Variants in PDE3A observed in about 807,000 individuals in gnomAD.
The protein encoded by PDE3A is cGMP-inhibited 3',5'-cyclic phosphodiesterase 3A.
In PDE3A, 43 loss-of-function variants were observed where a neutral mutation model predicts 98.3. The ratio of observed to expected loss-of-function variants is 0.44; its 90% CI spans 0.34 to 0.56. The LOEUF is 0.56. Among genes scored for constraint, PDE3A ranks in the 20% least tolerant of loss-of-function variants. The pLI is 0.01. For synonymous variants in PDE3A, 663 were observed against 567.9 expected, an observed-to-expected ratio of 1.17 and a Z score of -2.38; for missense variants, 1,427 against 1,440.7, an observed-to-expected ratio of 0.99 and a Z score of 0.15.
intron 1 of PDE3A, among the ~76,000 whole-genome samples, chr12:20,535,772 AAT>A: frequency 6.6e-6 from 1 of 152,314 alleles, no homozygotes; most frequent in African/African-American, 2.4e-5. Context: ...TGTGATTATT[AAT>A]ATATGTAAAG....
At chr12:20,394,178 C>T (rs1426387209) in intron 1 of PDE3A, among the ~76,000 whole-genome samples, 1 of 152,064 alleles carries the variant, frequency 6.6e-6, no homozygotes, top group Non-Finnish European at 1.5e-5. Context: ...CAATATTTGA[C>T]TCAGTATTTT....
At chr12:20,462,514 T>A (rs1395856380) in intron 1 of PDE3A, among the ~76,000 whole-genome samples, 1 of 151,822 alleles carries the variant, frequency 6.6e-6, no homozygotes, top group Non-Finnish European at 1.5e-5. Context: ...AAAATCGAAT[T>A]TTTTTTTGGT....
chr12:20,620,710 T>A (rs11045335), intron 4 of PDE3A, among the ~76,000 whole-genome samples: 15,427 of 152,000 alleles, frequency 0.1, 821 homozygotes, highest in East Asian at 0.18. Flanking sequence ...CTAGTTCCTA[T>A]CATCAGTGTG....
At position 20,369,194 on chromosome 12, in the gene PDE3A, T is replaced by TGTGC; in HGVS notation, c.-88_-87insCGTG. The TGTGC allele has an allele frequency of 4.1e-6, 1 of 246,650 alleles. No individual in the cohort carries two copies. The highest frequency in any genetic ancestry group is 1.0e-3 in the Middle Eastern group (1 of 990). 15.3% of individuals were successfully genotyped at this position (246,650 alleles called of 1,614,324 possible). ...GAATTGGGAAGAGCGTGCGTGCGTG[T>TGTGC]GTGTGTGTGTGTGTGTGCGCGCGCG... On this transcript the variant is annotated 5_prime_UTR_variant, in exon 1 of 16. Coordinates refer to ENST00000359062, the MANE Select transcript of PDE3A (RefSeq NM_000921.5).
intron 1 of PDE3A, among the ~76,000 whole-genome samples, chr12:20,497,051 G>A (rs765251408): frequency 1.2e-4 from 19 of 152,182 alleles, no homozygotes; most frequent in South Asian, 2.1e-4. Context: ...TGAAGTGGGC[G>A]CTTATTCTAT....
intron 1 of PDE3A, among the ~76,000 whole-genome samples, chr12:20,517,506 A>T (rs538274070): frequency 6.6e-6 from 1 of 152,236 alleles, no homozygotes; most frequent in Non-Finnish European, 1.5e-5. Flanking sequence ...CCATGATGAC[A>T]TAAATAAGCT....
intron 1 of PDE3A, among the ~76,000 whole-genome samples, chr12:20,519,924 C>T (rs1329434201): frequency 6.6e-6 from 1 of 152,132 alleles, no homozygotes. Context: ...GACATCATCT[C>T]ACATCGGTTT....
At chr12:20,512,061 A>G (rs1405082758) in intron 1 of PDE3A, among the ~76,000 whole-genome samples, 2 of 152,082 alleles carry the variant, frequency 1.3e-5, no homozygotes, top group Admixed American at 6.6e-5. Flanking sequence ...GTCAGGAGGA[A>G]CCTGAGGAGA....
In PDE3A at chr12:20,685,859, C is replaced by A. The variant is rs1259681800; in HGVS notation, c.*5588C>A. Among the ~76,000 whole-genome samples, 23 of 152,076 alleles carry A rather than the reference C, an allele frequency of 1.5e-4. No individual in the cohort carries two copies. The highest frequency in any genetic ancestry group is 1.5e-5 in the Non-Finnish European group (1 of 67,990). On this transcript the variant is annotated 3_prime_UTR_variant, in exon 16 of 16. Coordinates refer to ENST00000359062, the MANE Select transcript of PDE3A (RefSeq NM_000921.5). The stretch of plus-strand genomic sequence containing the variant: ...ATTAAGAAGTGGTTCTTTAGTTATG[C>A]AAATAATTCAATAACCAAAAATGCT...
At chr12:20,518,475 A>G (rs1946361627) in intron 1 of PDE3A, among the ~76,000 whole-genome samples, 1 of 152,318 alleles carries the variant, frequency 6.6e-6, no homozygotes, top group East Asian at 1.9e-4. Context: ...ACCTGTGGCT[A>G]ATAAAATAAC....
intron 1 of PDE3A, among the ~76,000 whole-genome samples, chr12:20,407,888 A>G (rs761618282): frequency 1.3e-5 from 2 of 152,026 alleles, no homozygotes; most frequent in Non-Finnish European, 2.9e-5. Flanking sequence ...CTTCTCTTGT[A>G]CTGAAGTGTA....
intron 1 of PDE3A, among the ~76,000 whole-genome samples, chr12:20,512,563 G>T (rs1946247511): frequency 6.6e-6 from 1 of 152,006 alleles, no homozygotes; most frequent in Admixed American, 6.6e-5. Flanking sequence ...ATTGCTTGGG[G>T]TTTAGGAAAT....
intron 1 of PDE3A, among the ~76,000 whole-genome samples, chr12:20,395,572 A>G (rs1944000671): frequency 9.0e-6 from 1 of 111,612 alleles, no homozygotes; most frequent in Non-Finnish European, 1.9e-5. Flanking sequence ...ATATATATAC[A>G]TAGTATTATA....
rs189809225 is a variant in PDE3A at position 20,519,791 on chromosome 12, T to A, written c.961-36869T>A. 6.6e-3 allele frequency among the ~76,000 whole-genome samples: 1,006 copies of A among 152,240 alleles called. 11 individuals carry two copies. Among genetic ancestry groups the A allele is most frequent in the African/African-American group, 0.023 (938 of 41,550 alleles). ...CCTGTGGCAGAACAAAAAAGGCACA[T>A]CAGAGAAGGAAGGCTGCCATCAGGG... On this transcript the variant is annotated intron_variant, in intron 1 of 15. Coordinates refer to ENST00000359062, the MANE Select transcript of PDE3A (RefSeq NM_000921.5).
intron 1 of PDE3A, among the ~76,000 whole-genome samples, chr12:20,556,379 A>G (rs1942368774): frequency 6.6e-6 from 1 of 152,170 alleles, no homozygotes; most frequent in Admixed American, 6.5e-5. Flanking sequence ...ATAAAGCTTT[A>G]CATGGTTTAA....
At chr12:20,662,709 G>T (rs1378166277) in intron 15 of PDE3A, among the ~76,000 whole-genome samples, 1 of 151,882 alleles carries the variant, frequency 6.6e-6, no homozygotes, top group East Asian at 1.9e-4. Flanking sequence ...GAAAGACATG[G>T]TTTGGAATTG....
At chr12:20,391,638 G>A (rs11045205) in intron 1 of PDE3A, among the ~76,000 whole-genome samples, 1 of 150,868 alleles carries the variant, frequency 6.6e-6, no homozygotes, top group East Asian at 2.0e-4. Context: ...CATCAGTGCT[G>A]TTGTATCACA....
At chr12:20,649,021 G>A (rs1472484618) in intron 13 of PDE3A, 130 bp downstream of exon 13, 16 of 619,238 alleles carry the variant, frequency 2.6e-5, no homozygotes, top group South Asian at 4.1e-5. Context: ...TGCCTCCTGG[G>A]TTCAAGTGAT....
Position 20,608,202 on chromosome 12 carries a change from T to C in PDE3A, c.1012-5241T>C, listed in dbSNP as rs532255640. ...CATGTGTGGTTAGCCTTGGCAGGTT[T>C]GCTGCAAACAAATCTGATTGTTGGT... On this transcript the variant is annotated intron_variant, in intron 2 of 15. Coordinates refer to ENST00000359062, the MANE Select transcript of PDE3A (RefSeq NM_000921.5). Among the ~76,000 whole-genome samples the C allele has an allele frequency of 2.7e-3, 416 of 152,322 alleles. 2 individuals are homozygous for C. The highest frequency in any genetic ancestry group is 9.5e-3 in the African/African-American group (393 of 41,568).
Sources: allele counts gnomAD v4.1 joint callset (sites outside exome capture counted in the v4.1 genomes callset), GRCh38; gene constraint gnomAD v4.1.1; transcripts MANE v1.5; gene names NCBI Gene and HGNC (gene_info 2026-07-23, HGNC 2026-07-21).